The following LRRK2 variants were observed in gnomAD, a reference collection of about 807,000 sequenced individuals.
LRRK2 encodes the protein leucine rich repeat kinase 2.
LRRK2 carries 203 observed loss-of-function variants against 302.6 expected under a neutral mutation model. The ratio of observed to expected loss-of-function variants is 0.67; its 90% CI spans 0.60 to 0.75. LRRK2 has a LOEUF of 0.75. LRRK2 is among the 30% of genes least tolerant of loss of function. The pLI, the probability that LRRK2 is intolerant of heterozygous loss-of-function variation, is 0.00. For synonymous variants in LRRK2, 1,066 were observed against 1,031.9 expected, an observed-to-expected ratio of 1.03 and a Z score of -0.63; for missense variants, 2,830 against 2,951.0, an observed-to-expected ratio of 0.96 and a Z score of 0.95.
chr12:40,265,318 C>A (rs1942962117), intron 14 of LRRK2, among the ~76,000 whole-genome samples: 1 of 152,064 alleles, frequency 6.6e-6, no homozygotes, highest in South Asian at 2.1e-4. Context: ...TGTTGTGAAA[C>A]CTTGGTTCTT....
At chr12:40,327,894 G>A (rs766634504) in intron 38 of LRRK2, among the ~76,000 whole-genome samples, 1 of 152,150 alleles carries the variant, frequency 6.6e-6, no homozygotes, top group Non-Finnish European at 1.5e-5. Context: ...GCCTCAAAAA[G>A]ACTTTTTGTC....
At chr12:40,340,156 C>T (rs1391027954) in intron 40 of LRRK2, 138 bp from the exon 41 acceptor site, 11 of 797,530 alleles carry the variant, frequency 1.4e-5, no homozygotes, top group Non-Finnish European at 2.0e-5. Context: ...TCTACAATAT[C>T]TCTTAACTTT....
At position 40,308,626 on chromosome 12, in the gene LRRK2, G is replaced by A. The variant is rs775801364; in HGVS notation, c.4119G>A (p.Val1373=). The part of the protein sequence containing the change: ...GMQSATVGID[V]KDWPIQIRDK... ...AAAGTGCCACAGTTGGCATAGATGT[G>A]AAAGACTGGCCTATCCAAATAAGAG... Residue 1373 remains valine (V), a synonymous_variant, in exon 29 of 51, where the codon GTG becomes GTA. Transcript: ENST00000298910. 16 of 1,614,018 alleles carry A rather than the reference G, an allele frequency of 9.9e-6. No individual in the cohort carries two copies. Among genetic ancestry groups the A allele is most frequent in the South Asian group, 2.2e-5 (2 of 91,074 alleles).
intron 14 of LRRK2, among the ~76,000 whole-genome samples, chr12:40,266,364 A>G (rs566156655): frequency 6.6e-6 from 1 of 152,368 alleles, no homozygotes; most frequent in East Asian, 1.9e-4. Context: ...CACTTCTCAA[A>G]AGAAGACATT....
At chr12:40,250,082 G>T in intron 8 of LRRK2, 137 bp downstream of exon 8, 1 of 1,080,530 alleles carries the variant, frequency 9.3e-7, no homozygotes. Flanking sequence ...TTCCAGTAGA[G>T]GATACTTTCA....
At chr12:40,292,582 CA>C (rs1394025367) in intron 20 of LRRK2, among the ~76,000 whole-genome samples, 1 of 151,434 alleles carries the variant, frequency 6.6e-6, no homozygotes, top group African/African-American at 2.4e-5. Flanking sequence ...AATTCTTAAG[CA>C]TTAAAATAAT....
intron 46 of LRRK2, among the ~76,000 whole-genome samples, chr12:40,357,154 T>A (rs1946565352): frequency 6.6e-6 from 1 of 152,162 alleles, no homozygotes; most frequent in African/African-American, 2.4e-5. Flanking sequence ...GAGATCAACT[T>A]TTTTAGCTCC....
intron 47 of LRRK2, among the ~76,000 whole-genome samples, chr12:40,361,995 C>T (rs2137038780): frequency 6.6e-6 from 1 of 152,186 alleles, no homozygotes; most frequent in Middle Eastern, 3.4e-3. Context: ...TGATGTTAGT[C>T]ATAGGACCTT....
intron 38 of LRRK2, among the ~76,000 whole-genome samples, chr12:40,324,871 C>T (rs1945499015): frequency 6.6e-6 from 1 of 152,198 alleles, no homozygotes; most frequent in South Asian, 2.1e-4. Context: ...GTGCATCCTT[C>T]CTCTGAAGAA....
At chr12:40,355,245 A>C (rs916504151) in intron 45 of LRRK2, among the ~76,000 whole-genome samples, 2 of 152,172 alleles carry the variant, frequency 1.3e-5, no homozygotes, top group Non-Finnish European at 2.9e-5. Context: ...ATTTCAATGG[A>C]TGGAATTGGG....
chr12:40,353,015 C>T (rs1946405984), intron 44 of LRRK2, among the ~76,000 whole-genome samples: 2 of 152,074 alleles, frequency 1.3e-5, no homozygotes, highest in Admixed American at 6.5e-5. Flanking sequence ...AGAGGGGCTC[C>T]TCACTTCCCA....
intron 33 of LRRK2, 67 bp from the exon 34 acceptor site, chr12:40,319,921 A>G: frequency 6.8e-7 from 1 of 1,469,848 alleles, no homozygotes; most frequent in South Asian, 1.2e-5. Context: ...AGAGACATAA[A>G]ATGCTTTAAA....
rs1026390680 is a variant in LRRK2, at chr12:40,309,036, T to A, written c.4190-70T>A. The A allele has an allele frequency of 5.9e-6, 9 of 1,513,776 alleles. No homozygotes were observed. The African/African-American group carries it at 1.3e-4, about 21-fold the overall frequency. 93.8% of individuals were successfully genotyped at this position (1,513,776 alleles called of 1,614,324 possible). On this transcript the variant is annotated intron_variant, in intron 29 of 50. Coordinates refer to ENST00000298910, the MANE Select transcript of LRRK2 (RefSeq NM_198578.4). ...AATAAATAGTATTATTCTCCCAGAT[T>A]TTTTTTTAAAAAAGGATTCTTGCCT...
chr12:40,268,675 T>G (rs1250854673), intron 14 of LRRK2, among the ~76,000 whole-genome samples: 1 of 152,108 alleles, frequency 6.6e-6, no homozygotes, highest in Non-Finnish European at 1.5e-5. Flanking sequence ...TTAATACATA[T>G]GAGTAATCAG....
At position 40,296,497 on chromosome 12, in the gene LRRK2, T is replaced by C. The variant is rs139440181; in HGVS notation, c.3096+853T>C. Among the ~76,000 whole-genome samples, 172 of 151,874 alleles carry C rather than the reference T, an allele frequency of 1.1e-3. No individual in the cohort carries two copies. The East Asian group carries it at 0.013, about 12-fold the overall frequency. On this transcript the variant is annotated intron_variant, in intron 23 of 50. Coordinates refer to ENST00000298910, the MANE Select transcript of LRRK2 (RefSeq NM_198578.4). Reference sequence around the variant, plus strand: ...AATATGAAAAATTAGCCAGGTGTGGTGGGGTGCACCTGTGGTCCCAGCTAC... The same window carrying C: ...AATATGAAAAATTAGCCAGGTGTGGCGGGGTGCACCTGTGGTCCCAGCTAC...
chr12:40,257,359 A>G lies in LRRK2; in HGVS notation c.1400A>G (p.Asn467Ser). The change falls in exon 12 of 51, where the codon AAT (asparagine) becomes AGT (serine). Residue 467 changes from asparagine to serine, a missense_variant. Coordinates refer to ENST00000298910, the MANE Select transcript of LRRK2 (RefSeq NM_198578.4). ...GCTGAAAGTGGCTGTAAAATGCTAA[A>G]TCATCTTTTTGAAGGAAGGTAATAT... ...EVAESGCKML[N>S]HLFEGSNTSL... The G allele has an allele frequency of 6.2e-7, 1 of 1,612,866 alleles. No individual in the cohort carries two copies. The highest frequency in any genetic ancestry group is 8.5e-7 in the Non-Finnish European group (1 of 1,179,214).
chr12:40,307,233 T>G lies in LRRK2; in HGVS notation c.3960-1234T>G, dbSNP rs573262206. On this transcript the variant is annotated intron_variant, in intron 28 of 50. Transcript: ENST00000298910. ...CAAGAAAGGTAATGTTGCTTTTTGG[T>G]CATATCATCAGGAATGTTGGTCAGA... is the stretch of plus-strand genomic sequence containing the variant. 2.6e-5 allele frequency among the ~76,000 whole-genome samples: 4 copies of G among 152,150 alleles called. No individual in the cohort carries two copies. In the South Asian group the frequency reaches 8.3e-4, roughly 32 times the overall value.
At chr12:40,366,367 G>A (rs1056925235) in intron 49 of LRRK2, 2 of 151,796 alleles carry the variant, frequency 1.3e-5, no homozygotes, top group Non-Finnish European at 2.9e-5. Context: ...CCCGCTTTGG[G>A]TTCCCATAAC....
intron 14 of LRRK2, among the ~76,000 whole-genome samples, chr12:40,268,126 A>G (rs1017747793): frequency 2.0e-5 from 3 of 152,202 alleles, no homozygotes; most frequent in Admixed American, 6.6e-5. Context: ...TTTTCCACAG[A>G]TGAAGACTTT....
Sources: allele counts gnomAD v4.1 joint callset (sites outside exome capture counted in the v4.1 genomes callset), GRCh38; gene constraint gnomAD v4.1.1; transcripts MANE v1.5; gene names NCBI Gene and HGNC (gene_info 2026-07-23, HGNC 2026-07-21).